The following RBMS1 variants were observed in gnomAD, a reference collection of about 807,000 sequenced individuals.
RBMS1 encodes RNA binding motif single stranded interacting protein 1, also known as RNA-binding motif, single-stranded-interacting protein 1.
In RBMS1, 17 loss-of-function variants were observed where a neutral mutation model predicts 62.3. The ratio of observed to expected loss-of-function variants is 0.27; its 90% CI spans 0.19 to 0.41. The LOEUF is 0.41. Among genes scored for constraint, RBMS1 ranks in the 10% least tolerant of loss-of-function variants. The probability of loss-of-function intolerance (pLI) is 1.00; values close to 1 mark genes in which losing one functional copy is unlikely to be tolerated. For missense variants in RBMS1, 334 were observed against 504.5 expected, an observed-to-expected ratio of 0.66 and a Z score of 3.24; for synonymous variants, 172 against 170.0, an observed-to-expected ratio of 1.01 and a Z score of -0.09.
chr2:160,408,028 C>CTGCCGCCCCAT, intron 1 of RBMS1: 1 of 650,718 alleles, frequency 1.5e-6, no homozygotes, highest in Non-Finnish European at 1.9e-6. Context: ...CGCCCGGCCC[C>CTGCCGCCCCAT]CGCGCTCTCC....
chr2:160,351,190 G>C (rs536426012), intron 2 of RBMS1, among the ~76,000 whole-genome samples: 62 of 151,020 alleles, frequency 4.1e-4, no homozygotes, highest in Non-Finnish European at 7.8e-4. Context: ...GTAGGGGGAG[G>C]GGGGAGGGAA....
chr2:160,447,897 G>A (rs528788005), intron 1 of RBMS1, among the ~76,000 whole-genome samples: 1 of 152,204 alleles, frequency 6.6e-6, no homozygotes, highest in African/African-American at 2.4e-5. Flanking sequence ...CTTTCCCCAA[G>A]ACTCTGATCT....
chr2:160,345,958 G>C (rs1692151265), intron 2 of RBMS1, among the ~76,000 whole-genome samples: 1 of 152,106 alleles, frequency 6.6e-6, no homozygotes, highest in Admixed American at 6.6e-5. Context: ...TGTTCAGAGT[G>C]AAGGAGCGTT....
At chr2:160,299,081 TGTG>T (rs1440973322) in intron 6 of RBMS1, among the ~76,000 whole-genome samples, 2 of 152,214 alleles carry the variant, frequency 1.3e-5, no homozygotes, top group East Asian at 3.9e-4. Context: ...CCACTCAGCT[TGTG>T]GTACTTTGTT....
chr2:160,369,840 G>A (rs1332196957), intron 1 of RBMS1, among the ~76,000 whole-genome samples: 2 of 152,120 alleles, frequency 1.3e-5, no homozygotes, highest in Non-Finnish European at 2.9e-5. Flanking sequence ...GCATGCACTT[G>A]TATAATTAAA....
chr2:160,461,957 T>C (rs1180387252), intron 1 of RBMS1, among the ~76,000 whole-genome samples: 1 of 152,238 alleles, frequency 6.6e-6, no homozygotes, highest in African/African-American at 2.4e-5. Flanking sequence ...GCCATCTTCT[T>C]GATTTAATAA....
intron 1 of RBMS1, among the ~76,000 whole-genome samples, chr2:160,404,194 A>AT (rs764873918): frequency 1.8e-4 from 28 of 152,116 alleles, no homozygotes; most frequent in Non-Finnish European, 3.7e-4. Context: ...CTCCATTCAA[A>AT]AGCTTCTCAC....
intron 1 of RBMS1, among the ~76,000 whole-genome samples, chr2:160,438,886 G>A (rs1683244291): frequency 6.6e-6 from 1 of 151,196 alleles, no homozygotes; most frequent in Non-Finnish European, 1.5e-5. Flanking sequence ...GCCGGACGGG[G>A]GGCTGACTCC....
chr2:160,474,212 TAG>T (rs933098913), intron 1 of RBMS1, among the ~76,000 whole-genome samples: 1 of 152,144 alleles, frequency 6.6e-6, no homozygotes, highest in Non-Finnish European at 1.5e-5. Context: ...ACCACGAGTC[TAG>T]AGTGTTAGCT....
intron 1 of RBMS1, among the ~76,000 whole-genome samples, chr2:160,485,802 T>G (rs961153219): frequency 1.3e-5 from 2 of 152,082 alleles, no homozygotes; most frequent in African/African-American, 4.8e-5. Context: ...TTAGGCACCT[T>G]TTTAAAAGAA....
intron 1 of RBMS1, among the ~76,000 whole-genome samples, chr2:160,492,620 G>A (rs889755830): frequency 1.3e-5 from 2 of 152,206 alleles, no homozygotes; most frequent in Non-Finnish European, 2.9e-5. Context: ...GAGATTAGAA[G>A]GGACATCAAT....
chr2:160,424,746 A>G (rs1430907163), intron 1 of RBMS1, among the ~76,000 whole-genome samples: 1 of 152,210 alleles, frequency 6.6e-6, no homozygotes, highest in Non-Finnish European at 1.5e-5. Context: ...GAAATTAAGA[A>G]AGATTTTACA....
chr2:160,463,838 A>C (rs1684571266), intron 1 of RBMS1, among the ~76,000 whole-genome samples: 1 of 152,164 alleles, frequency 6.6e-6, no homozygotes, highest in South Asian at 2.1e-4. Context: ...ATTTAACTTT[A>C]TGTCTCCTAT....
At chr2:160,303,179 C>G in intron 5 of RBMS1, 151 bp downstream of exon 5, 1 of 680,708 alleles carries the variant, frequency 1.5e-6, no homozygotes, top group Non-Finnish European at 2.3e-6. Context: ...TGGAAAAATG[C>G]AGTCTGGTAT....
At chr2:160,438,658 T>C (rs1683224418) in intron 1 of RBMS1, among the ~76,000 whole-genome samples, 1 of 152,180 alleles carries the variant, frequency 6.6e-6, no homozygotes, top group Admixed American at 6.5e-5. Context: ...CATGTCTACC[T>C]CTTTCTACAC....
At chr2:160,366,276 T>G (rs1693394382) in intron 2 of RBMS1, among the ~76,000 whole-genome samples, 1 of 152,312 alleles carries the variant, frequency 6.6e-6, no homozygotes. Flanking sequence ...AAATAAGAAG[T>G]AATGAATCTG....
At chr2:160,293,170 C>T (rs998830134) in intron 6 of RBMS1, among the ~76,000 whole-genome samples, 1 of 152,138 alleles carries the variant, frequency 6.6e-6, no homozygotes, top group Non-Finnish European at 1.5e-5. Flanking sequence ...GGTAACAATG[C>T]TTAAGAGAAA....
At chr2:160,380,168 C>T (rs774525818) in intron 1 of RBMS1, among the ~76,000 whole-genome samples, 2 of 152,178 alleles carry the variant, frequency 1.3e-5, no homozygotes, top group Middle Eastern at 3.2e-3. Context: ...CATCTCTCCT[C>T]ACTCACCACA....
chr2:160,386,444 G>A (rs1694580930), intron 1 of RBMS1, among the ~76,000 whole-genome samples: 1 of 152,082 alleles, frequency 6.6e-6, no homozygotes, highest in Admixed American at 6.5e-5. Context: ...GTTGAGGCAG[G>A]AGAATCACTT....
Sources: allele counts gnomAD v4.1 joint callset (sites outside exome capture counted in the v4.1 genomes callset), GRCh38; gene constraint gnomAD v4.1.1; transcripts MANE v1.5; gene names NCBI Gene and HGNC (gene_info 2026-07-23, HGNC 2026-07-21).